Variants in CREBBP observed in about 807,000 individuals in gnomAD.
CREBBP encodes the protein CREB-binding protein.
In CREBBP, 19 loss-of-function variants were observed where a neutral mutation model predicts 265.0. That is an observed-to-expected ratio of 0.07 (90% CI 0.05 to 0.11). CREBBP has a LOEUF of 0.11. Among genes scored for constraint, CREBBP ranks in the 10% least tolerant of loss-of-function variants. The pLI is 1.00. For synonymous variants in CREBBP, 1,457 were observed against 1,223.7 expected, an observed-to-expected ratio of 1.19 and a Z score of -3.98; for missense variants, 2,525 against 3,219.0, an observed-to-expected ratio of 0.78 and a Z score of 5.22.
intron 16 of CREBBP, among the ~76,000 whole-genome samples, chr16:3,761,079 C>T (rs774348877): frequency 9.2e-5 from 14 of 152,186 alleles, no homozygotes; most frequent in Non-Finnish European, 1.5e-4. Flanking sequence ...CTCAGCCTTC[C>T]GAGTAGTTGG....
chr16:3,871,195 T>TCACACACA (rs201848866), intron 1 of CREBBP, among the ~76,000 whole-genome samples: 2 of 79,110 alleles, frequency 2.5e-5, no homozygotes, highest in Non-Finnish European at 5.4e-5. Context: ...TCTCTCTCTC[T>TCACACACA]CACTCACACA....
Position 3,725,269 on chromosome 16 carries a change from C to G in CREBBP, c.*2449G>C, listed in dbSNP as rs2051713273. The G allele has an allele frequency of 4.3e-6, 1 of 233,426 alleles. No individual in the cohort carries two copies. The highest frequency in any genetic ancestry group is 6.0e-5 in the East Asian group (1 of 16,590). The allele number at this position is 233,426 out of a possible 1,614,324, so 14.5% of individuals were successfully genotyped here. A position where few individuals can be genotyped will look rare whatever the true frequency, so the allele number is the denominator to read the frequency against. ...TGCTCTCGGTCACATCCTTCGACAT[C>G]TGGATTGCCCAAGACGGTTGCACAG... On this transcript the variant is annotated 3_prime_UTR_variant, in exon 31 of 31. Coordinates refer to ENST00000262367, the MANE Select transcript of CREBBP (RefSeq NM_004380.3).
At chr16:3,827,626 C>T (rs2054263654) in intron 2 of CREBBP, among the ~76,000 whole-genome samples, 1 of 152,074 alleles carries the variant, frequency 6.6e-6, no homozygotes. Context: ...CTCCTGACCT[C>T]GTGATCCACC....
intron 1 of CREBBP, among the ~76,000 whole-genome samples, chr16:3,859,047 T>G (rs1336382708): frequency 6.6e-6 from 1 of 152,170 alleles, no homozygotes; most frequent in Non-Finnish European, 1.5e-5. Context: ...GAAAAAGGTC[T>G]CCTTTCTTTA....
At chr16:3,737,923 G>A (rs150498736) in intron 26 of CREBBP, among the ~76,000 whole-genome samples, 2,006 of 151,508 alleles carry the variant, frequency 0.013, 14 homozygotes, top group Non-Finnish European at 0.018. Context: ...GAGTAGCTGG[G>A]ATTACAGGCT....
intron 28 of CREBBP, among the ~76,000 whole-genome samples, chr16:3,732,764 G>C (rs534640114): frequency 1.3e-5 from 2 of 151,616 alleles, no homozygotes; most frequent in Non-Finnish European, 1.5e-5. Context: ...GCAATAACGC[G>C]ATCTCGGCTC....
At chr16:3,744,338 C>T (rs2052289715) in intron 23 of CREBBP, among the ~76,000 whole-genome samples, 2 of 152,336 alleles carry the variant, frequency 1.3e-5, no homozygotes, top group East Asian at 1.9e-4. Flanking sequence ...GCCAACATTA[C>T]ACCACACATG....
intron 3 of CREBBP, among the ~76,000 whole-genome samples, chr16:3,802,137 TTTTTTTTTTTTTG>T (rs1341176929): frequency 1.7e-5 from 2 of 120,124 alleles, no homozygotes; most frequent in African/African-American, 6.9e-5. Context: ...TTTTTTTTTT[TTTTTTTTTTTTTG>T]TGACAGAGTC....
intron 27 of CREBBP, 168 bp downstream of exon 27, chr16:3,736,482 T>A (rs2052064741): frequency 9.7e-7 from 1 of 1,026,636 alleles, no homozygotes; most frequent in South Asian, 1.4e-5. Context: ...AAAGCCTCAA[T>A]CAGCTGAAGA....
chr16:3,851,672 G>T lies in CREBBP; in HGVS notation c.86-663C>A, dbSNP rs1351891133. ...GAGCGAGACCATCCTGGCTAACACG[G>T]TGAAACCCCGTCTCTAGTAAAAAGA... On this transcript the variant is annotated intron_variant, in intron 1 of 30. Transcript: ENST00000262367. Among the ~76,000 whole-genome samples the T allele has an allele frequency of 2.6e-5, 4 of 151,834 alleles. No individual in the cohort carries two copies. The South Asian group carries it at 8.3e-4, about 32-fold the overall frequency.
At chr16:3,781,358 C>A in intron 6 of CREBBP, 52 bp from the exon 7 acceptor site, 1 of 1,442,884 alleles carries the variant, frequency 6.9e-7, no homozygotes, top group Non-Finnish European at 9.6e-7. Flanking sequence ...ATATATACTT[C>A]AAAGTTTTGA....
intron 1 of CREBBP, among the ~76,000 whole-genome samples, chr16:3,871,195 T>TCTCACA (rs1404339203): frequency 3.8e-5 from 3 of 79,110 alleles, no homozygotes; most frequent in East Asian, 1.1e-3. Context: ...TCTCTCTCTC[T>TCTCACA]CACTCACACA....
intron 23 of CREBBP, chr16:3,742,071 A>C (rs1421752309): frequency 1.3e-5 from 2 of 151,418 alleles, no homozygotes; most frequent in Non-Finnish European, 2.9e-5. Context: ...ACAGAGCGAG[A>C]CTCTGTCTGC....
intron 21 of CREBBP, among the ~76,000 whole-genome samples, chr16:3,748,867 C>T (rs995798690): frequency 5.9e-5 from 9 of 152,142 alleles, no homozygotes; most frequent in African/African-American, 2.2e-4. Flanking sequence ...TTAACAGGGC[C>T]GGGCGCGGTG....
intron 1 of CREBBP, among the ~76,000 whole-genome samples, chr16:3,856,158 G>T (rs561743326): frequency 6.6e-6 from 1 of 152,124 alleles, no homozygotes; most frequent in Non-Finnish European, 1.5e-5. Flanking sequence ...TAGAGATAGG[G>T]TCTTGCTCTG....
At chr16:3,794,727 G>C (rs2053574918) in intron 3 of CREBBP, among the ~76,000 whole-genome samples, 1 of 152,204 alleles carries the variant, frequency 6.6e-6, no homozygotes, top group Admixed American at 6.5e-5. Flanking sequence ...AAATGGAAAA[G>C]GGGACCCATA....
chr16:3,812,933 C>T, intron 2 of CREBBP: 1 of 208,886 alleles, frequency 4.8e-6, no homozygotes, highest in Non-Finnish European at 9.7e-6. Flanking sequence ...CTCCATCAGC[C>T]TCACCTGGTG....
At chr16:3,863,711 C>G (rs2055122055) in intron 1 of CREBBP, among the ~76,000 whole-genome samples, 1 of 152,214 alleles carries the variant, frequency 6.6e-6, no homozygotes, top group Non-Finnish European at 1.5e-5. Flanking sequence ...TTATTTGGTG[C>G]ACTTAGCAGT....
intron 26 of CREBBP, 33 bp downstream of exon 26, chr16:3,738,526 T>TAG (rs926705165): frequency 2.3e-6 from 3 of 1,289,392 alleles, no homozygotes; most frequent in Non-Finnish European, 3.4e-6. Flanking sequence ...TAAAGGGTTC[T>TAG]TACTAGTTCC....
Sources: gnomAD v4.1 joint callset for allele counts (sites outside exome capture counted in the v4.1 genomes callset) on GRCh38, gnomAD v4.1.1 for gene constraint, MANE v1.5 for transcripts, NCBI Gene and HGNC (gene_info 2026-07-23, HGNC 2026-07-21) for gene names.